DDX10: variants seen among roughly 807,000 people sequenced by gnomAD.
DDX10 encodes probable ATP-dependent RNA helicase DDX10.
DDX10 carries 74 observed loss-of-function variants against 104.3 expected under a neutral mutation model. The observed-to-expected ratio is 0.71, with a 90% CI of 0.59 to 0.86. The LOEUF is 0.86. Among genes scored for constraint, DDX10 ranks in the 40% least tolerant of loss-of-function variants. The pLI is 0.00. For missense variants in DDX10, 952 were observed against 1,040.0 expected (o/e 0.92, Z 1.16); for synonymous variants, 351 against 353.4 (o/e 0.99, Z 0.08).
chr11:108,854,721 A>G (rs1255149194), intron 16 of DDX10, among the ~76,000 whole-genome samples: 1 of 89,014 alleles, frequency 1.1e-5, no homozygotes, highest in Non-Finnish European at 2.3e-5. Flanking sequence ...GATATAAAGG[A>G]CACAGTATTT....
At chr11:108,888,328 TA>T (rs1863328521) in intron 16 of DDX10, among the ~76,000 whole-genome samples, 1 of 152,202 alleles carries the variant, frequency 6.6e-6, no homozygotes, top group Non-Finnish European at 1.5e-5. Context: ...CCAATTATCT[TA>T]ATACTTATAC....
chr11:108,931,556 A>G (rs1453276736), intron 17 of DDX10, among the ~76,000 whole-genome samples: 3 of 152,200 alleles, frequency 2.0e-5, no homozygotes, highest in Non-Finnish European at 4.4e-5. Context: ...GGGAAGGGAG[A>G]AAAGTAGATA....
chr11:108,799,110 T>G (rs952856950), intron 13 of DDX10, among the ~76,000 whole-genome samples: 1 of 152,198 alleles, frequency 6.6e-6, no homozygotes, highest in Non-Finnish European at 1.5e-5. Context: ...CTGAAAGGGT[T>G]AGGTCTTGGC....
intron 16 of DDX10, among the ~76,000 whole-genome samples, chr11:108,890,319 C>T (rs1361734880): frequency 7.9e-5 from 12 of 152,170 alleles, no homozygotes; most frequent in Non-Finnish European, 2.9e-5. Flanking sequence ...TAAGCTGTAG[C>T]TCCCAACCGT....
chr11:108,923,875 A>G (rs1261330520), intron 17 of DDX10, among the ~76,000 whole-genome samples: 1 of 152,192 alleles, frequency 6.6e-6, no homozygotes, highest in Non-Finnish European at 1.5e-5. Flanking sequence ...AGGGGAGGGT[A>G]AATTGCACTT....
intron 13 of DDX10, among the ~76,000 whole-genome samples, chr11:108,822,919 TGAAA>T (rs1261853070): frequency 5.9e-5 from 9 of 152,198 alleles, no homozygotes; most frequent in African/African-American, 1.2e-4. Flanking sequence ...TTGGCTAAGA[TGAAA>T]TATAAGATAG....
chr11:108,711,519 C>T (rs918288388), intron 10 of DDX10, among the ~76,000 whole-genome samples: 12 of 151,998 alleles, frequency 7.9e-5, no homozygotes, highest in Middle Eastern at 3.4e-3. Flanking sequence ...TTTTAGTAGA[C>T]GTGGGGTTTC....
At chr11:108,916,150 G>T (rs1863747876) in intron 16 of DDX10, among the ~76,000 whole-genome samples, 2 of 152,228 alleles carry the variant, frequency 1.3e-5, no homozygotes, top group African/African-American at 4.8e-5. Context: ...AAGGTGTCCT[G>T]AGACCAAAAA....
chr11:108,855,317 C>T (rs984022403), intron 16 of DDX10, among the ~76,000 whole-genome samples: 1 of 152,076 alleles, frequency 6.6e-6, no homozygotes, highest in Non-Finnish European at 1.5e-5. Flanking sequence ...TTGAGGGTCA[C>T]AAGTGCTAGT....
intron 13 of DDX10, among the ~76,000 whole-genome samples, chr11:108,791,972 T>C (rs549988534): frequency 1.3e-5 from 2 of 152,314 alleles, no homozygotes; most frequent in South Asian, 2.1e-4. Flanking sequence ...TAAAAAAATA[T>C]AGTTATTCGA....
At chr11:108,857,789 G>A (rs1862890592) in intron 16 of DDX10, among the ~76,000 whole-genome samples, 1 of 152,180 alleles carries the variant, frequency 6.6e-6, no homozygotes, top group Non-Finnish European at 1.5e-5. Context: ...TTAAGCATTA[G>A]GCCATAGGTC....
intron 16 of DDX10, among the ~76,000 whole-genome samples, chr11:108,910,430 G>A (rs911400713): frequency 2.0e-5 from 3 of 152,142 alleles, no homozygotes; most frequent in Non-Finnish European, 2.9e-5. Context: ...CACTTTGTAC[G>A]TTTGTTGTAG....
chr11:108,733,444 A>C (rs1053250448), intron 13 of DDX10, among the ~76,000 whole-genome samples: 2 of 152,136 alleles, frequency 1.3e-5, no homozygotes, highest in African/African-American at 4.8e-5. Flanking sequence ...TTTTTTTATA[A>C]CTTACCATGC....
intron 16 of DDX10, among the ~76,000 whole-genome samples, 185 bp downstream of exon 16, chr11:108,852,394 C>G (rs1862806810): frequency 6.6e-6 from 1 of 152,144 alleles, no homozygotes; most frequent in Non-Finnish European, 1.5e-5. Flanking sequence ...GCCCATGTGG[C>G]CTTCTATTCA....
chr11:108,869,186 T>C (rs1356904111), intron 16 of DDX10, among the ~76,000 whole-genome samples: 1 of 101,212 alleles, frequency 9.9e-6, no homozygotes, highest in Admixed American at 1.2e-4. Flanking sequence ...TCTTTCATTT[T>C]TAAACCCGTT....
At chr11:108,846,061 T>C (rs1862713291) in intron 15 of DDX10, among the ~76,000 whole-genome samples, 1 of 152,352 alleles carries the variant, frequency 6.6e-6, no homozygotes, top group Non-Finnish European at 1.5e-5. Context: ...AGTAAATCTT[T>C]GTCTTAAAGA....
chr11:108,881,704 A>G (rs998006385), intron 16 of DDX10, among the ~76,000 whole-genome samples: 1 of 152,156 alleles, frequency 6.6e-6, no homozygotes, highest in African/African-American at 2.4e-5. Context: ...AGCATTCTGC[A>G]CATGTTTAGG....
intron 6 of DDX10, among the ~76,000 whole-genome samples, chr11:108,685,751 A>G (rs2094243040): frequency 6.6e-6 from 1 of 152,192 alleles, no homozygotes; most frequent in East Asian, 1.9e-4. Flanking sequence ...AAAAATATGT[A>G]TCTCTTTTCT....
At chr11:108,918,482 G>A (rs1397053924) in intron 17 of DDX10, 2 of 156,160 alleles carry the variant, frequency 1.3e-5, no homozygotes, top group Middle Eastern at 3.0e-3. Flanking sequence ...CTTTTATATG[G>A]AATTAAATAA....
Sources: gnomAD v4.1 joint callset for allele counts (sites outside exome capture counted in the v4.1 genomes callset) on GRCh38, gnomAD v4.1.1 for gene constraint, MANE v1.5 for transcripts, NCBI Gene and HGNC (gene_info 2026-07-23, HGNC 2026-07-21) for gene names.